SEPTIN9: variants seen among roughly 807,000 people sequenced by gnomAD.
SEPTIN9 encodes septin-9.
SEPTIN9 carries 13 observed loss-of-function variants against 56.6 expected under a neutral mutation model. The ratio of observed to expected loss-of-function variants is 0.23; its 90% CI spans 0.15 to 0.37. The LOEUF is 0.37. Among genes scored for constraint, SEPTIN9 ranks in the 10% least tolerant of loss-of-function variants. The pLI is 1.00. For synonymous variants in SEPTIN9, 332 were observed against 334.1 expected (o/e 0.99, Z 0.07); for missense variants, 650 against 823.1 (o/e 0.79, Z 2.57).
chr17:77,476,037 C>A lies in SEPTIN9; in HGVS notation c.722-6107C>A. 2.1e-6 allele frequency: 2 copies of A among 960,114 alleles called. No individual in the cohort carries two copies. Among genetic ancestry groups the A allele is most frequent in the Non-Finnish European group, 3.1e-6 (2 of 637,862 alleles). 59.5% of individuals were successfully genotyped at this position (960,114 alleles called of 1,614,324 possible). On this transcript the variant is annotated intron_variant, in intron 3 of 11. Transcript: ENST00000427177. This position sits in a 1 kb window ranked among gnomAD's most constrained non-coding sequence, Gnocchi z 6.0. The stretch of plus-strand genomic sequence containing the variant: ...GGGTGCAGGCCCGGCTGTCACTCCC[C>A]TGGAGCTGGGAATGGCATTGGGCGG...
intron 3 of SEPTIN9, among the ~76,000 whole-genome samples, chr17:77,413,292 G>T (rs533355645): frequency 6.6e-6 from 1 of 152,194 alleles, no homozygotes; most frequent in Non-Finnish European, 1.5e-5. Flanking sequence ...GATACTTTTG[G>T]GGGAGTCTAG....
At chr17:77,392,574 G>A (rs897087882) in intron 2 of SEPTIN9, among the ~76,000 whole-genome samples, 9 of 152,126 alleles carry the variant, frequency 5.9e-5, no homozygotes, top group African/African-American at 1.2e-4. Context: ...GGACTGGGCC[G>A]GCACTGGAGG....
chr17:77,320,362 C>T lies in SEPTIN9; in HGVS notation c.76+13165C>T. Reference sequence around the variant, plus strand: ...ACCGGATCTCAGGTACGCAGACAGCCCCCTCCCCATCGGCCGCCCCCCACT... The same window carrying T: ...ACCGGATCTCAGGTACGCAGACAGCTCCCTCCCCATCGGCCGCCCCCCACT... On this transcript the variant is annotated intron_variant, in intron 2 of 11. Coordinates refer to ENST00000427177, the MANE Select transcript of SEPTIN9 (RefSeq NM_001113491.2). 6.2e-7 allele frequency: 1 copy of T among 1,610,350 alleles called. No homozygotes were observed. The highest frequency in any genetic ancestry group is 2.2e-5 in the East Asian group (1 of 44,860).
intron 3 of SEPTIN9, among the ~76,000 whole-genome samples, chr17:77,462,566 G>A (rs989000314): frequency 6.6e-6 from 1 of 152,244 alleles, no homozygotes; most frequent in African/African-American, 2.4e-5. Flanking sequence ...TTACAGGTGT[G>A]AGCCACTGTG....
In SEPTIN9 at chr17:77,451,558, C is replaced by G. The variant is rs1198695241; in HGVS notation, c.722-30586C>G. On this transcript the variant is annotated intron_variant, in intron 3 of 11. Transcript: ENST00000427177. This position sits in a 1 kb window ranked among gnomAD's most constrained non-coding sequence, Gnocchi z 4.2. Reference sequence around the variant, plus strand: ...GTCCTGCTCCTTTGTTCTTCCCAGCCTTGCACCACTGGCTCGGGGGCTCTC... The same window carrying G: ...GTCCTGCTCCTTTGTTCTTCCCAGCGTTGCACCACTGGCTCGGGGGCTCTC... The G allele has an allele frequency of 3.0e-6, 3 of 985,328 alleles. No homozygotes were observed. The South Asian group carries it at 1.4e-4, about 46-fold the overall frequency. 61.0% of individuals were successfully genotyped at this position (985,328 alleles called of 1,614,324 possible). A position where few individuals can be genotyped will look rare whatever the true frequency, so the allele number is the denominator to read the frequency against.
chr17:77,392,037 G>T (rs2035559066), intron 2 of SEPTIN9, among the ~76,000 whole-genome samples: 1 of 152,208 alleles, frequency 6.6e-6, no homozygotes, highest in African/African-American at 2.4e-5. Context: ...AGGGTGGAGG[G>T]TCCCCTTGCA....
rs1326729985 is a variant in SEPTIN9, at chr17:77,313,331, C to T, written c.76+6134C>T. Among the ~76,000 whole-genome samples the T allele has an allele frequency of 2.0e-5, 3 of 152,266 alleles. No homozygotes were observed. Among genetic ancestry groups the T allele is most frequent in the African/African-American group, 7.2e-5 (3 of 41,474 alleles). ...TGGGCCCAACCGGGCTGCTTCTCCC[C>T]GTTGTCTTGGTTTCCTTCCACGCTG... On this transcript the variant is annotated intron_variant, in intron 2 of 11. Coordinates refer to ENST00000427177, the MANE Select transcript of SEPTIN9 (RefSeq NM_001113491.2). This position sits in a 1 kb window ranked among gnomAD's most constrained non-coding sequence, Gnocchi z 4.5.
intron 3 of SEPTIN9, among the ~76,000 whole-genome samples, chr17:77,454,759 C>T (rs1324474697): frequency 1.3e-5 from 2 of 152,244 alleles, no homozygotes; most frequent in African/African-American, 2.4e-5. Context: ...CACCGGGCCC[C>T]GGAGCGGGTG....
At chr17:77,422,068 G>A (rs2036725995) in intron 3 of SEPTIN9, among the ~76,000 whole-genome samples, 1 of 152,114 alleles carries the variant, frequency 6.6e-6, no homozygotes, top group South Asian at 2.1e-4. Context: ...ATATTTCCCA[G>A]GCTGAACTCC....
chr17:77,335,271 A>C (rs1342729869), intron 2 of SEPTIN9, among the ~76,000 whole-genome samples: 5 of 150,274 alleles, frequency 3.3e-5, no homozygotes, highest in African/African-American at 1.2e-4. Flanking sequence ...CCCCGTGTTG[A>C]CTGTATATGT....
chr17:77,431,120 C>T (rs751401577), intron 3 of SEPTIN9, among the ~76,000 whole-genome samples: 3 of 152,178 alleles, frequency 2.0e-5, no homozygotes, highest in Admixed American at 6.5e-5. Context: ...GTGGGAGAGT[C>T]GCTTGAGGCC....
rs570595440 is a variant in SEPTIN9, at chr17:77,390,999, C to T, written c.77-11060C>T. Among the ~76,000 whole-genome samples, 7 of 152,282 alleles carry T rather than the reference C, an allele frequency of 4.6e-5. No homozygotes were observed. The East Asian group carries it at 7.7e-4, about 17-fold the overall frequency. ...GAGGAGACAACAGCAGAAAGCTCTG[C>T]GGCTGATGGGACCGAGCAGGAGAAG... is the stretch of plus-strand genomic sequence containing the variant. On this transcript the variant is annotated intron_variant, in intron 2 of 11. Transcript: ENST00000427177.
At chr17:77,357,508 A>G (rs370308742) in intron 2 of SEPTIN9, among the ~76,000 whole-genome samples, 44 of 152,260 alleles carry the variant, frequency 2.9e-4, no homozygotes, top group African/African-American at 8.9e-4. Flanking sequence ...TCGCCTGGCC[A>G]TGAATCCATT....
intron 2 of SEPTIN9, among the ~76,000 whole-genome samples, chr17:77,358,065 C>G (rs1041878806): frequency 2.6e-5 from 4 of 152,182 alleles, no homozygotes; most frequent in African/African-American, 9.7e-5. Context: ...TCCTTTCAAT[C>G]TAGGTATTGT....
rs1403209791 is a variant in SEPTIN9 at position 77,371,109 on chromosome 17, C to T, written c.77-30950C>T. On this transcript the variant is annotated intron_variant, in intron 2 of 11. Coordinates refer to ENST00000427177, the MANE Select transcript of SEPTIN9 (RefSeq NM_001113491.2). This position sits in a 1 kb window ranked among gnomAD's most constrained non-coding sequence, Gnocchi z 4.1. ...TCCTGGCTGGGAGTATGGCCAAGCC[C>T]TGATTTGGGTTTCCTGAAAGAGCTC... 6.6e-6 allele frequency among the ~76,000 whole-genome samples: 1 copy of T among 152,186 alleles called. No individual in the cohort carries two copies. Among genetic ancestry groups the T allele is most frequent in the African/African-American group, 2.4e-5 (1 of 41,442 alleles).
chr17:77,464,297 C>T (rs914484103), intron 3 of SEPTIN9, among the ~76,000 whole-genome samples: 13 of 152,112 alleles, frequency 8.5e-5, no homozygotes, highest in African/African-American at 2.4e-4. Flanking sequence ...AGGCTAGTCT[C>T]GAACCCCTGA....
At chr17:77,418,841 G>T (rs774288627) in intron 3 of SEPTIN9, among the ~76,000 whole-genome samples, 1 of 152,102 alleles carries the variant, frequency 6.6e-6, no homozygotes, top group Non-Finnish European at 1.5e-5. Flanking sequence ...AGGCTGGACC[G>T]AGACCCGGTG....
At chr17:77,474,352 C>T (rs1168927375) in intron 3 of SEPTIN9, among the ~76,000 whole-genome samples, 1 of 152,260 alleles carries the variant, frequency 6.6e-6, no homozygotes, top group East Asian at 1.9e-4. Flanking sequence ...CTGGGACCCC[C>T]AGCCCGGCCC....
intron 2 of SEPTIN9, among the ~76,000 whole-genome samples, chr17:77,316,851 C>G (rs1040288597): frequency 6.6e-6 from 1 of 152,134 alleles, no homozygotes; most frequent in South Asian, 2.1e-4. Context: ...AGATTACAGG[C>G]ACGTGCCACC....
Sources: gnomAD v4.1 joint callset for allele counts (sites outside exome capture counted in the v4.1 genomes callset) on GRCh38, gnomAD v4.1.1 for gene constraint, Gnocchi (gnomAD v3.1) non-coding constraint, MANE v1.5 for transcripts, NCBI Gene and HGNC (gene_info 2026-07-23, HGNC 2026-07-21) for gene names.